The following DDX3X variants were observed in gnomAD, a reference collection of about 807,000 sequenced individuals.
The protein encoded by DDX3X is DEAD-box helicase 3 X-linked.
DDX3X carries 4 observed loss-of-function variants against 52.7 expected under a neutral mutation model. The ratio of observed to expected loss-of-function variants is 0.08; its 90% CI spans 0.04 to 0.17. The LOEUF (loss-of-function observed/expected upper bound fraction) is 0.17, where lower values mean the gene tolerates loss of function less well. DDX3X is among the 10% of genes least tolerant of loss of function. The pLI is 1.00. For missense variants in DDX3X, 222 were observed against 548.6 expected, an observed-to-expected ratio of 0.40 and a Z score of 5.95; for synonymous variants, 192 against 178.1, an observed-to-expected ratio of 1.08 and a Z score of -0.62.
intron 9 of DDX3X, 50 bp downstream of exon 9, chrX:41,344,178 A>C: frequency 8.4e-7 from 1 of 1,187,583 alleles, no homozygotes; most frequent in Non-Finnish European, 1.1e-6. Flanking sequence ...TTCTAATTAA[A>C]TGTTTTATGA....
intron 9 of DDX3X, 37 bp downstream of exon 9, chrX:41,344,165 T>C (rs758891758): frequency 3.0e-5 from 35 of 1,184,740 alleles, no homozygotes; most frequent in Non-Finnish European, 3.9e-5. Context: ...GCTTTTTCAT[T>C]GATTCTAATT....
chrX:41,351,074 T>C (rs1383345041), downstream of DDX3X: 21 of 111,581 alleles, frequency 1.9e-4, no homozygotes, highest in Non-Finnish European at 1.9e-5. Context: ...TGATGGTACT[T>C]GAGTCTCGAT....
In DDX3X at chrX:41,346,419, A is replaced by C. The variant is rs1449775764; in HGVS notation, c.1497+9A>C. The C allele has an allele frequency of 3.3e-6, 4 of 1,204,242 alleles. No individual in the cohort carries two copies. The highest frequency in any genetic ancestry group is 4.5e-6 in the Non-Finnish European group (4 of 891,798). On this transcript the variant is annotated intron_variant, in intron 13 of 16. Transcript: ENST00000644876. ...TTTTAGTGGCTACAGCAGTATGTATAAACATCTTTCTTTTATTCAAATTGA... is the reference window on the plus strand; with the variant it reads ...TTTTAGTGGCTACAGCAGTATGTATCAACATCTTTCTTTTATTCAAATTGA...
intron 5 of DDX3X, among the ~76,000 whole-genome samples, chrX:41,362,083 CTTTTT>C (rs1176759189): frequency 4.1e-5 from 3 of 72,733 alleles, no homozygotes; most frequent in Non-Finnish European, 7.3e-5. Flanking sequence ...AAATAATTAA[CTTTTT>C]TTTTTTTTTT....
At position 41,348,171 on chromosome X, in the gene DDX3X, G is replaced by C. The variant is rs1039895211; in HGVS notation, c.*452G>C. The C allele has an allele frequency of 4.0e-6, 1 of 248,678 alleles. No individual in the cohort carries two copies. Among genetic ancestry groups the C allele is most frequent in the Admixed American group, 6.7e-5 (1 of 15,022 alleles). The allele number at this position is 248,678 out of a possible 1,213,427, so 20.5% of individuals were successfully genotyped here. On this transcript the variant is annotated 3_prime_UTR_variant, in exon 17 of 17. Transcript: ENST00000644876. ...ACACAGGTGTGATACAACTTAACAGGAATCATCGATTCATCCATAAATAAT... is the reference window on the plus strand; with the variant it reads ...ACACAGGTGTGATACAACTTAACAGCAATCATCGATTCATCCATAAATAAT...
intron 5 of DDX3X, among the ~76,000 whole-genome samples, chrX:41,361,908 T>TC (rs1476909615): frequency 9.0e-6 from 1 of 110,588 alleles, no homozygotes; most frequent in Non-Finnish European, 1.9e-5. Context: ...TTCTCCAGGG[T>TC]CCCCCCACAT....
At chrX:41,334,791 T>C (rs2063736977) in intron 1 of DDX3X, 29 of 927,951 alleles carry the variant, frequency 3.1e-5, no homozygotes, top group Non-Finnish European at 4.0e-5. Flanking sequence ...CCCAGGAATG[T>C]GGGAGGGGGC....
chrX:41,344,235 A>G lies in DDX3X; in HGVS notation c.865-4A>G, dbSNP rs768636608. The G allele has an allele frequency of 1.7e-6, 2 of 1,203,965 alleles. No homozygotes were observed. Among genetic ancestry groups the G allele is most frequent in the South Asian group, 1.8e-5 (1 of 55,541 alleles). On this transcript the variant is annotated splice_region_variant and splice_polypyrimidine_tract_variant and intron_variant, in intron 9 of 16. Coordinates refer to ENST00000644876, the MANE Select transcript of DDX3X (RefSeq NM_001356.5). ...GAAGTTCATAACATTTTTTTTGCTT[A>G]TAGTTTTCATACCGATCTAGAGTTC...
Position 41,337,417 on chromosome X carries a change from C to T in DDX3X, c.55C>T (p.Leu19=). 1.7e-6 allele frequency: 2 copies of T among 1,209,268 alleles called. No homozygotes were observed. Among genetic ancestry groups the T allele is most frequent in the Non-Finnish European group, 2.2e-6 (2 of 893,845 alleles). The change falls in exon 2 of 17, where the codon CTA becomes TTA. Residue 19 remains leucine (L), a synonymous_variant. Transcript: ENST00000644876. ...TCTCACTCTCTTCTAGTTTGCTGGC[C>T]TAGACCTGAACTCTTCAGATAATCA... The part of the protein sequence containing the change: ...ALGLDQQFAG[L]DLNSSDNQSG...
intron 10 of DDX3X, chrX:41,344,646 C>G: frequency 5.4e-6 from 2 of 373,792 alleles, no homozygotes; most frequent in South Asian, 6.9e-5. Context: ...CCATGTTGGT[C>G]AGGCTGGTCT....
At chrX:41,334,039 G>C (rs183894960), upstream of DDX3X, 2 of 428,534 alleles carry the variant, frequency 4.7e-6, no homozygotes, top group Non-Finnish European at 8.3e-6. Context: ...GGAGCGCGCA[G>C]TAGCCGGGCA....
chrX:41,350,558 T>C (rs2063975976), downstream of DDX3X: 1 of 111,536 alleles, frequency 9.0e-6, no homozygotes, highest in African/African-American at 3.3e-5. Flanking sequence ...AGTGGAAGAA[T>C]GAGCAGGATA....
intron 8 of DDX3X, 27 bp downstream of exon 8, chrX:41,343,849 A>G: frequency 8.6e-7 from 1 of 1,162,400 alleles, no homozygotes; most frequent in South Asian, 1.8e-5. Context: ...AAAATGGGAA[A>G]TTGTAGAACT....
chrX:41,338,595 G>C (rs2063804812), intron 2 of DDX3X: 1 of 111,659 alleles, frequency 9.0e-6, no homozygotes, highest in South Asian at 3.7e-4. Flanking sequence ...GCTTTTCCTT[G>C]TTTATTTATT....
chrX:41,352,615 T>G (rs1263390336), downstream of DDX3X, among the ~76,000 whole-genome samples: 3 of 111,451 alleles, frequency 2.7e-5, no homozygotes, highest in Non-Finnish European at 3.8e-5. Flanking sequence ...GTGATTAATT[T>G]AGATTAGTCT....
At chrX:41,340,479 T>C (rs1446675950) in intron 3 of DDX3X, 2 of 167,384 alleles carry the variant, frequency 1.2e-5, no homozygotes, top group African/African-American at 3.0e-5. Context: ...AAGGTGTTGC[T>C]GAAGCTAGTT....
chrX:41,339,067 C>A lies in DDX3X; in HGVS notation c.135C>A (p.Asn45Lys). 9.2e-7 allele frequency: 1 copy of A among 1,085,393 alleles called. No individual in the cohort carries two copies. Among genetic ancestry groups the A allele is most frequent in the Non-Finnish European group, 1.2e-6 (1 of 822,372 alleles). The allele number at this position is 1,085,393 out of a possible 1,213,427, so 89.4% of individuals were successfully genotyped here. A position where few individuals can be genotyped will look rare whatever the true frequency, so the allele number is the denominator to read the frequency against. Residue 45 changes from asparagine (N) to lysine (K), a missense_variant, in exon 3 of 17, where the codon AAC becomes AAA. Coordinates refer to ENST00000644876, the MANE Select transcript of DDX3X (RefSeq NM_001356.5). The stretch of plus-strand genomic sequence containing the variant: ...GCTATATTCCTCCTCATTTAAGGAA[C>A]CGAGAAGCTACTAAAGGTAGGTCCT... ...KGRYIPPHLRNREATKGFYDK... is the reference protein window; with the variant it reads ...KGRYIPPHLRKREATKGFYDK...
intron 5 of DDX3X, among the ~76,000 whole-genome samples, chrX:41,360,747 G>T (rs1446813036): frequency 1.8e-5 from 2 of 110,674 alleles, no homozygotes; most frequent in Non-Finnish European, 3.8e-5. Context: ...CCAGCCTAGT[G>T]CCTCTGTTTA....
At chrX:41,356,461 T>C (rs1170144455) in intron 5 of DDX3X, among the ~76,000 whole-genome samples, 5 of 89,278 alleles carry the variant, frequency 5.6e-5, no homozygotes, top group Admixed American at 1.2e-4. Flanking sequence ...TTTCTTTTTT[T>C]TTTTTTTTTT....
Sources: allele counts gnomAD v4.1 joint callset (sites outside exome capture counted in the v4.1 genomes callset), GRCh38; gene constraint gnomAD v4.1.1; transcripts MANE v1.5; gene names NCBI Gene and HGNC (gene_info 2026-07-23, HGNC 2026-07-21).